The following ATF7IP2 variants were observed in gnomAD, a reference collection of about 807,000 sequenced individuals.
ATF7IP2 encodes the protein activating transcription factor 7-interacting protein 2.
ATF7IP2 carries 42 observed loss-of-function variants against 64.2 expected under a neutral mutation model. The ratio of observed to expected loss-of-function variants is 0.65; its 90% CI spans 0.51 to 0.85. The LOEUF is 0.85. Ranked by LOEUF, ATF7IP2 falls within the 40% of genes least tolerant of loss-of-function variation. The pLI is 0.00. For missense variants in ATF7IP2, 933 were observed against 784.2 expected, an observed-to-expected ratio of 1.19 and a Z score of -2.27; for synonymous variants, 308 against 272.8, an observed-to-expected ratio of 1.13 and a Z score of -1.27.
chr16:10,392,337 C>G (rs1239649203), intron 1 of ATF7IP2, among the ~76,000 whole-genome samples: 1 of 149,432 alleles, frequency 6.7e-6, no homozygotes, highest in African/African-American at 2.5e-5. Context: ...CTGCGCCTGG[C>G]CTTTTTTTTT....
rs76807594 is a variant in ATF7IP2 at position 10,387,382 on chromosome 16, A to T, written c.-242+1260A>T. 11 of 152,362 alleles carry T rather than the reference A, an allele frequency of 7.2e-5. No individual in the cohort carries two copies. In the East Asian group the frequency reaches 1.9e-3, roughly 27 times the overall value. 9.4% of individuals were successfully genotyped at this position (152,362 alleles called of 1,614,324 possible). ...TCAAATTTACTTCACTCTCAGTCTT[A>T]TCTGCAGATATGTACAGACCACATC... On this transcript the variant is annotated intron_variant, in intron 1 of 13. Coordinates refer to ENST00000562102, the MANE Select transcript of ATF7IP2 (RefSeq NM_001393719.1).
At chr16:10,449,288 G>C (rs2048910115) in intron 8 of ATF7IP2, 1 of 152,148 alleles carries the variant, frequency 6.6e-6, no homozygotes, top group South Asian at 2.1e-4. Flanking sequence ...TTGTGTCTCT[G>C]TGAGGTTTTG....
chr16:10,440,216 G>C (rs1450840067), intron 7 of ATF7IP2, 148 bp from the exon 8 acceptor site: 3 of 417,006 alleles, frequency 7.2e-6, no homozygotes, highest in Non-Finnish European at 1.3e-5. Context: ...CATAAAATGT[G>C]ATTTCAAGCT....
In ATF7IP2 at chr16:10,472,095, T is replaced by C. The variant is rs778062793; in HGVS notation, c.1353-15T>C. On this transcript the variant is annotated splice_polypyrimidine_tract_variant and intron_variant, in intron 9 of 13. Transcript: ENST00000562102. ...ATGTTTAGTTTTTGTTTTTAATTTC[T>C]TTTTATCATTTTAGTAACAATGATG... is the stretch of plus-strand genomic sequence containing the variant. The C allele has an allele frequency of 6.8e-6, 10 of 1,466,030 alleles. No homozygotes were observed. The highest frequency in any genetic ancestry group is 1.9e-5 in the Admixed American group (1 of 51,588). The allele number at this position is 1,466,030 out of a possible 1,614,324, so 90.8% of individuals were successfully genotyped here. A position where few individuals can be genotyped will look rare whatever the true frequency, so the allele number is the denominator to read the frequency against.
chr16:10,415,707 G>A (rs921090408), intron 2 of ATF7IP2, among the ~76,000 whole-genome samples: 3 of 152,194 alleles, frequency 2.0e-5, no homozygotes, highest in East Asian at 3.8e-4. Flanking sequence ...TAAACTACAT[G>A]TTTGACATGG....
intron 12 of ATF7IP2, among the ~76,000 whole-genome samples, chr16:10,479,440 G>A (rs916137600): frequency 6.6e-6 from 1 of 152,028 alleles, no homozygotes; most frequent in African/African-American, 2.4e-5. Flanking sequence ...TCATAGGTGG[G>A]AATTGAACAA....
At chr16:10,466,915 T>C (rs183836509) in intron 9 of ATF7IP2, among the ~76,000 whole-genome samples, 195 of 152,288 alleles carry the variant, frequency 1.3e-3, no homozygotes, top group African/African-American at 4.5e-3. Context: ...AACTCAAGTG[T>C]TTGGATCACC....
chr16:10,441,968 C>T (rs987369469), intron 8 of ATF7IP2, among the ~76,000 whole-genome samples: 1 of 152,242 alleles, frequency 6.6e-6, no homozygotes, highest in East Asian at 1.9e-4. Flanking sequence ...CGCAAAAGCA[C>T]ACTGAACAAA....
At position 10,460,803 on chromosome 16, in the gene ATF7IP2, A is replaced by G. The variant is rs78472180; in HGVS notation, c.1352+3274A>G. Among the ~76,000 whole-genome samples the G allele has an allele frequency of 3.6e-3, 546 of 152,338 alleles. 3 individuals carry two copies. The highest frequency in any genetic ancestry group is 0.012 in the African/African-American group (517 of 41,588). On this transcript the variant is annotated intron_variant, in intron 9 of 13. Coordinates refer to ENST00000562102, the MANE Select transcript of ATF7IP2 (RefSeq NM_001393719.1). Reference sequence around the variant, plus strand: ...TGGATAGGGAATGTTTTCTTAAGACATAAATGCCGTTGCCATAAAAGAAAA... The same window carrying G: ...TGGATAGGGAATGTTTTCTTAAGACGTAAATGCCGTTGCCATAAAAGAAAA...
chr16:10,482,431 T>C lies in ATF7IP2; in HGVS notation c.*182T>C, dbSNP rs1596656799. 5.7e-6 allele frequency: 3 copies of C among 524,902 alleles called. No individual in the cohort carries two copies. The highest frequency in any genetic ancestry group is 6.6e-5 in the East Asian group (2 of 30,474). 32.5% of individuals were successfully genotyped at this position (524,902 alleles called of 1,614,324 possible). A position where few individuals can be genotyped will look rare whatever the true frequency, so the allele number is the denominator to read the frequency against. On this transcript the variant is annotated 3_prime_UTR_variant, in exon 14 of 14. Transcript: ENST00000562102. ...ATGAATTTCTGGTTTGTATTAAATA[T>C]GTCCTTCCAATGGATAAGTTCTAAA...
rs1309112437 is a variant in ATF7IP2 at position 10,482,776 on chromosome 16, C to CTGGA, written c.*528_*531dup. The CTGGA allele has an allele frequency of 6.6e-6, 1 of 152,284 alleles. No homozygotes were observed. Among genetic ancestry groups the CTGGA allele is most frequent in the East Asian group, 1.9e-4 (1 of 5,202 alleles). The allele number at this position is 152,284 out of a possible 1,614,324, so 9.4% of individuals were successfully genotyped here. Reference sequence around the variant, plus strand: ...ATGGAATATTGCTCTGTTGCCCAGGCTGGAGTACAGTGGTCACTGCAACCT... The same window carrying CTGGA: ...ATGGAATATTGCTCTGTTGCCCAGGCTGGATGGAGTACAGTGGTCACTGCAACCT... On this transcript the variant is annotated 3_prime_UTR_variant, in exon 14 of 14. Transcript: ENST00000562102.
chr16:10,401,723 C>T (rs1246191149), intron 1 of ATF7IP2, among the ~76,000 whole-genome samples: 1 of 148,622 alleles, frequency 6.7e-6, no homozygotes, highest in East Asian at 2.0e-4. Context: ...AGCTGTGAAT[C>T]CATCTGGTTA....
intron 12 of ATF7IP2, among the ~76,000 whole-genome samples, chr16:10,479,005 G>A (rs1330452231): frequency 1.3e-5 from 2 of 151,228 alleles, no homozygotes; most frequent in Non-Finnish European, 3.0e-5. Context: ...GAAACAACAG[G>A]TGCTGGAGAG....
intron 1 of ATF7IP2, among the ~76,000 whole-genome samples, chr16:10,402,979 A>G (rs991412941): frequency 6.6e-6 from 1 of 152,016 alleles, no homozygotes; most frequent in Non-Finnish European, 1.5e-5. Context: ...CCATGTGCTA[A>G]TGAGAAAAAT....
intron 4 of ATF7IP2, among the ~76,000 whole-genome samples, chr16:10,429,395 G>T (rs1299074882): frequency 6.6e-6 from 1 of 152,252 alleles, no homozygotes; most frequent in Non-Finnish European, 1.5e-5. Flanking sequence ...CTGTCATCCA[G>T]GCTGGAGTAC....
chr16:10,408,264 A>G (rs2047683143), intron 1 of ATF7IP2, among the ~76,000 whole-genome samples: 1 of 152,150 alleles, frequency 6.6e-6, no homozygotes, highest in African/African-American at 2.4e-5. Flanking sequence ...GGCTGGTTCC[A>G]TATTTCTGCA....
At chr16:10,400,041 T>A (rs907476999) in intron 1 of ATF7IP2, among the ~76,000 whole-genome samples, 5 of 152,090 alleles carry the variant, frequency 3.3e-5, no homozygotes, top group East Asian at 1.9e-4. Context: ...TTGATTATTT[T>A]ATTTATTTAT....
chr16:10,453,795 T>G (rs1200627555), intron 8 of ATF7IP2, among the ~76,000 whole-genome samples: 2 of 152,026 alleles, frequency 1.3e-5, no homozygotes, highest in Non-Finnish European at 1.5e-5. Flanking sequence ...TTTTGTATTT[T>G]TAGTAGAGAC....
intron 7 of ATF7IP2, among the ~76,000 whole-genome samples, chr16:10,439,511 G>C (rs1365510023): frequency 2.0e-5 from 3 of 149,564 alleles, no homozygotes; most frequent in African/African-American, 4.9e-5. Context: ...TGGGATTATA[G>C]GCGTGAGCCA....
Sources: allele counts gnomAD v4.1 joint callset (sites outside exome capture counted in the v4.1 genomes callset), GRCh38; gene constraint gnomAD v4.1.1; transcripts MANE v1.5; gene names NCBI Gene and HGNC (gene_info 2026-07-23, HGNC 2026-07-21).